KCNMB3: variants seen among roughly 807,000 people sequenced by gnomAD.
KCNMB3 encodes calcium-activated potassium channel subunit beta-3.
Under a neutral mutation model 11.9 loss-of-function variants are expected in KCNMB3, and 18 were observed. The observed-to-expected ratio is 1.51, with a 90% CI of 1.04 to 2.23. The LOEUF (loss-of-function observed/expected upper bound fraction) is 2.23. Among genes scored for constraint, KCNMB3 ranks in the 30% most tolerant of loss-of-function variants. The probability of loss-of-function intolerance (pLI) is 0.00; values close to 1 mark genes in which losing one functional copy is unlikely to be tolerated. For missense variants in KCNMB3, 247 were observed against 329.4 expected, an observed-to-expected ratio of 0.75 and a Z score of 1.94; for synonymous variants, 78 against 119.2, an observed-to-expected ratio of 0.65 and a Z score of 2.25.
rs1441330888 is a variant in KCNMB3, at chr3:179,258,838, C to A, written c.62+7811G>T. The A allele has an allele frequency of 7.4e-6, 11 of 1,492,726 alleles. No individual in the cohort carries two copies. The East Asian group carries it at 2.5e-4, about 34-fold the overall frequency. The allele number at this position is 1,492,726 out of a possible 1,614,324, so 92.5% of individuals were successfully genotyped here. A position where few individuals can be genotyped will look rare whatever the true frequency, so the allele number is the denominator to read the frequency against. ...TATGTCTTTCTAATCTGGGTGATAA[C>A]CTCAATGATTACATGGAAATCTACA... On this transcript the variant is annotated intron_variant, in intron 1 of 3. Transcript: ENST00000349697.
At chr3:179,244,145 A>C (rs1364127326) in intron 2 of KCNMB3, among the ~76,000 whole-genome samples, 1 of 152,234 alleles carries the variant, frequency 6.6e-6, no homozygotes, top group Non-Finnish European at 1.5e-5. Context: ...TTATTTGATA[A>C]GAAAAATTAC....
At chr3:179,251,491 C>G (rs1725841828), upstream of KCNMB3, 7 of 1,391,076 alleles carry the variant, frequency 5.0e-6, no homozygotes, top group Non-Finnish European at 5.6e-6. Context: ...GCTCCTCTCA[C>G]CCTCCTTCTC....
chr3:179,261,008 C>T (rs1017684784), intron 1 of KCNMB3: 9 of 974,150 alleles, frequency 9.2e-6, no homozygotes, highest in Admixed American at 1.7e-5. Flanking sequence ...AGAGGTGTCT[C>T]CGCTGCCTCT....
upstream of KCNMB3, among the ~76,000 whole-genome samples, chr3:179,253,950 T>A (rs549725295): frequency 1.3e-5 from 2 of 152,216 alleles, no homozygotes; most frequent in South Asian, 4.1e-4. Flanking sequence ...CTAAAACTTC[T>A]GGCCAAAGCT....
intron 1 of KCNMB3, chr3:179,266,531 T>A: frequency 2.5e-6 from 3 of 1,177,400 alleles, no homozygotes; most frequent in Non-Finnish European, 2.4e-6. Flanking sequence ...GCATGGCAAG[T>A]GGGCATCCTC....
chr3:179,245,779 G>A (rs527577197), intron 1 of KCNMB3, among the ~76,000 whole-genome samples: 27 of 152,260 alleles, frequency 1.8e-4, no homozygotes, highest in Middle Eastern at 3.4e-3. Context: ...GATTACAGGC[G>A]TGAGCCACGG....
chr3:179,261,329 G>GT, intron 1 of KCNMB3: 1 of 1,129,732 alleles, frequency 8.9e-7, no homozygotes, highest in Non-Finnish European at 1.1e-6. Context: ...CCGTGCCGGA[G>GT]CCCCCCCCCG....
At position 179,257,896 on chromosome 3, in the gene KCNMB3, GTGTT is replaced by G. The variant is rs1166493002; in HGVS notation, c.63-6966_63-6963del. ...TTTGTGTGTGTGTGTGTGTGTGTGT[GTGTT>G]TTTTAGACAGAGTTTCGCTCGTTGT... On this transcript the variant is annotated intron_variant, in intron 1 of 3. Transcript: ENST00000349697. Among the ~76,000 whole-genome samples the G allele has an allele frequency of 2.4e-3, 97 of 41,218 alleles. No homozygotes were observed. The East Asian group carries it at 0.039, about 17-fold the overall frequency. The allele number at this position is 41,218 out of a possible 152,430, so 27.0% of individuals were successfully genotyped here. A position where few individuals can be genotyped will look rare whatever the true frequency, so the allele number is the denominator to read the frequency against.
At position 179,251,060 on chromosome 3, in the gene KCNMB3, G is replaced by C. The variant is rs113011029; in HGVS notation, c.-70C>G. The C allele has an allele frequency of 6.2e-7, 1 of 1,614,164 alleles. No individual in the cohort carries two copies. Among genetic ancestry groups the C allele is most frequent in the Non-Finnish European group, 8.5e-7 (1 of 1,180,002 alleles). The stretch of plus-strand genomic sequence containing the variant: ...CCTGTGTCTCGTGAGCAGGATGAAT[G>C]CAACAAAATGAAATCCCAGTTCAGA... On this transcript the variant is annotated 5_prime_UTR_variant, in exon 1 of 3. Coordinates refer to ENST00000392685, the MANE Select transcript of KCNMB3 (RefSeq NM_171830.2).
At chr3:179,251,244 G>A (rs1046586198), upstream of KCNMB3, 21 of 1,497,662 alleles carry the variant, frequency 1.4e-5, no homozygotes, top group East Asian at 7.4e-5. Flanking sequence ...TAAGTGTTAC[G>A]AACTTTGTTA....
intron 1 of KCNMB3, among the ~76,000 whole-genome samples, chr3:179,262,622 A>T (rs967517321): frequency 6.6e-6 from 1 of 152,232 alleles, no homozygotes; most frequent in Non-Finnish European, 1.5e-5. Context: ...CCCCACCCAC[A>T]TCCTGCTGAT....
At position 179,250,808 on chromosome 3, in the gene KCNMB3, C is replaced by G; in HGVS notation, c.183G>C (p.Met61Ile). 2 of 1,614,198 alleles carry G rather than the reference C, an allele frequency of 1.2e-6. No individual in the cohort carries two copies. Among genetic ancestry groups the G allele is most frequent in the Non-Finnish European group, 1.7e-6 (2 of 1,180,044 alleles). The change falls in exon 1 of 3, where the codon ATG (methionine) becomes ATC (isoleucine). Residue 61 changes from methionine to isoleucine, a missense_variant. Met to Ile is a conservative substitution (Grantham distance 10). Transcript: ENST00000392685. ...EDRAVMLGFA[M>I]MGFSVLMFFL... ...AGAACATTAGGACTGAGAAGCCCAT[C>G]ATGGCAAACCCCAGCATCACGGCTC...
intron 1 of KCNMB3, among the ~76,000 whole-genome samples, chr3:179,261,833 C>A (rs924110386): frequency 2.0e-5 from 3 of 152,016 alleles, no homozygotes; most frequent in Admixed American, 6.5e-5. Context: ...GGATGTAATC[C>A]CACTGTAAAT....
chr3:179,261,084 C>T, intron 1 of KCNMB3: 1 of 1,118,434 alleles, frequency 8.9e-7, no homozygotes, highest in South Asian at 1.3e-5. Flanking sequence ...TTACGAGACC[C>T]CTTCTCAGTA....
In KCNMB3 at chr3:179,243,110, G is replaced by C. The variant is rs1179555524; in HGVS notation, c.622C>G (p.His208Asp). ...IKKYDQMAIFHCLFWPSLTLL... is the reference protein window; with the variant it reads ...IKKYDQMAIFDCLFWPSLTLL... ...GTCAGTGAAGGCCAAAATAAACAGT[G>C]GAAGATAGCCATTTGGTCATACTTT... Residue 208 changes from histidine to aspartate, a missense_variant, in exon 3 of 3, where the codon CAC becomes GAC. His to Asp is a moderately conservative substitution (Grantham distance 81). Coordinates refer to ENST00000392685, the MANE Select transcript of KCNMB3 (RefSeq NM_171830.2). 6.5e-7 allele frequency: 1 copy of C among 1,544,440 alleles called. No individual in the cohort carries two copies. The highest frequency in any genetic ancestry group is 8.8e-7 in the Non-Finnish European group (1 of 1,138,200).
intron 1 of KCNMB3, among the ~76,000 whole-genome samples, chr3:179,248,942 T>C (rs113586254): frequency 0.028 from 4,220 of 150,798 alleles, 191 homozygotes; most frequent in South Asian, 0.13. Flanking sequence ...AGCCCAGGAG[T>C]TCAAGACTGC....
intron 2 of KCNMB3, among the ~76,000 whole-genome samples, chr3:179,243,938 A>T (rs1054311988): frequency 1.3e-5 from 2 of 152,232 alleles, no homozygotes; most frequent in Non-Finnish European, 2.9e-5. Flanking sequence ...AGAAAACAAA[A>T]GTCATCGGAT....
downstream of KCNMB3, chr3:179,242,522 T>G (rs1049873427): frequency 4.5e-5 from 7 of 155,920 alleles, no homozygotes; most frequent in African/African-American, 1.7e-4. Flanking sequence ...TATTTTAGTA[T>G]GACTATATTG....
intron 1 of KCNMB3, among the ~76,000 whole-genome samples, chr3:179,257,767 T>TAC (rs1726061086): frequency 6.6e-6 from 1 of 151,702 alleles, no homozygotes; most frequent in Non-Finnish European, 1.5e-5. Context: ...GGCTAGAGTA[T>TAC]AGTGGTGCAA....
Sources: allele counts gnomAD v4.1 joint callset (sites outside exome capture counted in the v4.1 genomes callset), GRCh38; gene constraint gnomAD v4.1.1; transcripts MANE v1.5; gene names NCBI Gene and HGNC (gene_info 2026-07-23, HGNC 2026-07-21).